PPP3CA: variants seen among roughly 807,000 people sequenced by gnomAD.
PPP3CA encodes the protein CAM-PRP catalytic subunit.
PPP3CA carries 14 observed loss-of-function variants against 66.5 expected under a neutral mutation model. The observed-to-expected ratio is 0.21, with a 90% CI of 0.14 to 0.33. The LOEUF (loss-of-function observed/expected upper bound fraction) is 0.33. Ranked by LOEUF, PPP3CA falls within the 10% of genes least tolerant of loss-of-function variation. The pLI is 1.00. For synonymous variants in PPP3CA, 232 were observed against 226.2 expected (o/e 1.03, Z -0.23); for missense variants, 317 against 639.5 (o/e 0.50, Z 5.44).
At chr4:101,119,520 CAAAAACAAAAAA>C (rs1363874453) in intron 2 of PPP3CA, among the ~76,000 whole-genome samples, 1 of 151,254 alleles carries the variant, frequency 6.6e-6, no homozygotes, top group Non-Finnish European at 1.5e-5. Flanking sequence ...AAAACAAAAA[CAAAAACAAAAAA>C]ACACAAAACT....
rs3840161 is a variant in PPP3CA at position 101,317,253 on chromosome 4, A to AACACACAC, written c.58+29478_58+29485dup. Among the ~76,000 whole-genome samples the AACACACAC allele has an allele frequency of 4.5e-3, 650 of 145,398 alleles. 4 individuals carry two copies. The highest frequency in any genetic ancestry group is 0.016 in the African/African-American group (615 of 38,684). ...GGAGGCCCCTTAACTCGGTACTCCCAACACACACACACACACACACACACA... is the reference window on the plus strand; with the variant it reads ...GGAGGCCCCTTAACTCGGTACTCCCAACACACACACACACACACACACACACACACACA... On this transcript the variant is annotated intron_variant, in intron 1 of 13. Transcript: ENST00000394854.
intron 1 of PPP3CA, among the ~76,000 whole-genome samples, chr4:101,255,035 C>CAAAAAAA (rs1163406764): frequency 3.6e-4 from 16 of 44,694 alleles, no homozygotes; most frequent in South Asian, 7.9e-4. Context: ...AGTCCCGTCT[C>CAAAAAAA]AAAAAAAAAA....
At chr4:101,157,847 TA>T (rs1723373911) in intron 2 of PPP3CA, among the ~76,000 whole-genome samples, 1 of 101,510 alleles carries the variant, frequency 9.9e-6, no homozygotes, top group Non-Finnish European at 1.8e-5. Context: ...TGAATCATCC[TA>T]AACGGTTCCT....
intron 1 of PPP3CA, among the ~76,000 whole-genome samples, chr4:101,296,829 T>C (rs1288488898): frequency 6.6e-6 from 1 of 152,186 alleles, no homozygotes; most frequent in East Asian, 1.9e-4. Flanking sequence ...CTCAAGATTA[T>C]AGCTGAAGTT....
chr4:101,165,364 A>G (rs1048856799), intron 2 of PPP3CA, among the ~76,000 whole-genome samples: 3 of 152,126 alleles, frequency 2.0e-5, no homozygotes, highest in Non-Finnish European at 4.4e-5. Context: ...TAGACTAATT[A>G]TTCTTTGTAC....
chr4:101,107,347 G>C (rs1730797819), intron 3 of PPP3CA, among the ~76,000 whole-genome samples: 1 of 152,048 alleles, frequency 6.6e-6, no homozygotes, highest in African/African-American at 2.4e-5. Context: ...GATTTTTATG[G>C]TTCTGTTTTG....
intron 13 of PPP3CA, among the ~76,000 whole-genome samples, chr4:101,027,539 T>C (rs941083306): frequency 6.6e-6 from 1 of 152,156 alleles, no homozygotes; most frequent in Non-Finnish European, 1.5e-5. Flanking sequence ...TAGTAATAAA[T>C]TGCAAAATAA....
At chr4:101,274,116 C>T (rs1331741310) in intron 1 of PPP3CA, among the ~76,000 whole-genome samples, 2 of 152,076 alleles carry the variant, frequency 1.3e-5, no homozygotes, top group Non-Finnish European at 2.9e-5. Flanking sequence ...ACCAGCCTGG[C>T]CAACATGGTA....
At position 101,289,870 on chromosome 4, in the gene PPP3CA, ATGTGTGTGTGTGTGTG is replaced by A. The variant is rs72004461; in HGVS notation, c.58+56853_58+56868del. On this transcript the variant is annotated intron_variant, in intron 1 of 13. Coordinates refer to ENST00000394854, the MANE Select transcript of PPP3CA (RefSeq NM_000944.5). ...CACTATAATCCCAAAATGTCCGTGT[ATGTGTGTGTGTGTGTG>A]TGTGTGTGTGTGTGTGTGTGTGTGT... Among the ~76,000 whole-genome samples the A allele has an allele frequency of 2.5e-4, 35 of 141,830 alleles. 1 individual carries two copies. The highest frequency in any genetic ancestry group is 1.5e-3 in the Admixed American group (22 of 14,292). The allele number at this position is 141,830 out of a possible 152,430, so 93.0% of individuals were successfully genotyped here.
intron 1 of PPP3CA, among the ~76,000 whole-genome samples, chr4:101,343,071 C>T (rs1047375263): frequency 2.0e-5 from 3 of 152,074 alleles, no homozygotes; most frequent in African/African-American, 7.2e-5. Flanking sequence ...AGCACAACAA[C>T]GCATTATCTA....
chr4:101,108,237 A>C (rs1417612701), intron 3 of PPP3CA: 2 of 152,262 alleles, frequency 1.3e-5, no homozygotes, highest in Non-Finnish European at 2.9e-5. Flanking sequence ...AACCACAGAC[A>C]GAGACACATG....
intron 2 of PPP3CA, among the ~76,000 whole-genome samples, chr4:101,193,866 G>C (rs1348412902): frequency 6.6e-6 from 1 of 152,058 alleles, no homozygotes; most frequent in Non-Finnish European, 1.5e-5. Context: ...TTCTTAAATG[G>C]GGGCAAACCA....
intron 1 of PPP3CA, among the ~76,000 whole-genome samples, chr4:101,328,298 C>G (rs1180418923): frequency 1.3e-5 from 2 of 152,172 alleles, no homozygotes; most frequent in African/African-American, 4.8e-5. Flanking sequence ...TCAGGAGAAG[C>G]ACTAAAATTC....
At chr4:101,170,584 G>A (rs1723845495) in intron 2 of PPP3CA, among the ~76,000 whole-genome samples, 1 of 151,972 alleles carries the variant, frequency 6.6e-6, no homozygotes, top group South Asian at 2.1e-4. Flanking sequence ...AATAACAACA[G>A]GAGACTGCCT....
intron 8 of PPP3CA, among the ~76,000 whole-genome samples, chr4:101,073,464 A>T (rs1362006446): frequency 6.6e-6 from 1 of 151,920 alleles, no homozygotes; most frequent in East Asian, 1.9e-4. Flanking sequence ...TTTAGTACAG[A>T]CGGGGTTTCA....
At chr4:101,055,122 C>T (rs1357874716) in intron 10 of PPP3CA, among the ~76,000 whole-genome samples, 1 of 152,030 alleles carries the variant, frequency 6.6e-6, no homozygotes, top group Non-Finnish European at 1.5e-5. Flanking sequence ...ACCTAAAAGA[C>T]AGTCCCAGAT....
intron 1 of PPP3CA, among the ~76,000 whole-genome samples, chr4:101,288,576 GA>G (rs1230080111): frequency 2.0e-5 from 3 of 151,568 alleles, no homozygotes; most frequent in Admixed American, 2.0e-4. Context: ...CGGAGGAGGG[GA>G]TAAGAGGGAA....
At chr4:101,267,685 C>T (rs1015323204) in intron 1 of PPP3CA, among the ~76,000 whole-genome samples, 15 of 151,830 alleles carry the variant, frequency 9.9e-5, no homozygotes, top group East Asian at 7.8e-4. Flanking sequence ...TATTAACATA[C>T]GCTATCTCTG....
intron 3 of PPP3CA, 78 bp from the exon 4 acceptor site, chr4:101,099,800 G>T: frequency 2.7e-6 from 2 of 738,580 alleles, no homozygotes; most frequent in Non-Finnish European, 3.9e-6. Context: ...ATATCATAAA[G>T]ACATGAATAA....
Sources: gnomAD v4.1 joint callset for allele counts (sites outside exome capture counted in the v4.1 genomes callset) on GRCh38, gnomAD v4.1.1 for gene constraint, MANE v1.5 for transcripts, NCBI Gene and HGNC (gene_info 2026-07-23, HGNC 2026-07-21) for gene names.